Variants in PREPL observed in about 807,000 individuals in gnomAD.
PREPL encodes prolyl endopeptidase like.
PREPL carries 77 observed loss-of-function variants against 70.6 expected under a neutral mutation model. The ratio of observed to expected loss-of-function variants is 1.09; its 90% confidence interval spans 0.91 to 1.32. The LOEUF (loss-of-function observed/expected upper bound fraction) is 1.32. Ranked by LOEUF, PREPL falls within the 40% of genes most tolerant of loss-of-function variation. The probability of loss-of-function intolerance (pLI) is 0.00; values close to 1 mark genes in which losing one functional copy is unlikely to be tolerated. For missense variants in PREPL, 1,002 were observed against 778.2 expected, an observed-to-expected ratio of 1.29 and a Z score of -3.42; for synonymous variants, 315 against 264.8, an observed-to-expected ratio of 1.19 and a Z score of -1.84.
chr2:44,328,898 G>A, intron 9 of PREPL, 39 bp downstream of exon 9: 2 of 1,565,952 alleles, frequency 1.3e-6, no homozygotes, highest in Non-Finnish European at 1.7e-6. Flanking sequence ...TCTCACAATG[G>A]TCTAGCACTT....
Position 44,329,078 on chromosome 2 carries a change from T to A in PREPL, c.1121A>T (p.Lys374Ile). The change falls in exon 9 of 14, where the codon AAA becomes ATA. Residue 374 changes from lysine to isoleucine, a missense_variant. Physicochemically the swap from Lys to Ile is moderately radical, Grantham distance 102 (BLOSUM62 -3). Transcript: ENST00000409411. ...CTTCTGCAAGTCCTCAGAGTCAGTT[T>A]TGTGGAAAACAGTCATTGGCACTAA... ...GKLVPMTVFH[K>I]TDSEDLQKKP... 1.9e-6 allele frequency: 3 copies of A among 1,609,758 alleles called. No homozygotes were observed. Among genetic ancestry groups the A allele is most frequent in the Non-Finnish European group, 2.6e-6 (3 of 1,176,280 alleles).
chr2:44,327,174 C>G (rs1431824194), intron 9 of PREPL, among the ~76,000 whole-genome samples: 1 of 152,124 alleles, frequency 6.6e-6, no homozygotes, highest in Non-Finnish European at 1.5e-5. Flanking sequence ...ATAGACAATC[C>G]AGAATTGATT....
chr2:44,338,629 T>TC, intron 6 of PREPL, 93 bp from the exon 7 acceptor site: 1 of 1,019,652 alleles, frequency 9.8e-7, no homozygotes, highest in Non-Finnish European at 1.4e-6. Flanking sequence ...ACCATACTAG[T>TC]CCTCACTGTT....
rs1672799575 is a variant in PREPL, at chr2:44,320,138, A to G, written c.*1218T>C. ...TAAATAACTCCTTACAATATATTAAAAATACTTACAAACAATTCTTAGAAT... is the reference window on the plus strand; with the variant it reads ...TAAATAACTCCTTACAATATATTAAGAATACTTACAAACAATTCTTAGAAT... On this transcript the variant is annotated 3_prime_UTR_variant, in exon 14 of 14. Transcript: ENST00000409411. 1 of 1,435,162 alleles carries G rather than the reference A, an allele frequency of 7.0e-7. No individual in the cohort carries two copies. The highest frequency in any genetic ancestry group is 9.6e-7 in the Non-Finnish European group (1 of 1,042,366). The allele number at this position is 1,435,162 out of a possible 1,614,324, so 88.9% of individuals were successfully genotyped here. A position where few individuals can be genotyped will look rare whatever the true frequency, so the allele number is the denominator to read the frequency against.
chr2:44,359,355 A>G, intron 1 of PREPL: 1 of 701,426 alleles, frequency 1.4e-6, no homozygotes, highest in Non-Finnish European at 2.3e-6. Context: ...TTTTGACTAG[A>G]GACAATTGAG....
Position 44,344,833 on chromosome 2 carries a change from T to C in PREPL, c.76-247A>G, listed in dbSNP as rs568377005. Among the ~76,000 whole-genome samples the C allele has an allele frequency of 2.6e-5, 4 of 152,186 alleles. No individual in the cohort carries two copies. In the East Asian group the frequency reaches 7.7e-4, roughly 29 times the overall value. The stretch of plus-strand genomic sequence containing the variant: ...AATACAAGAGGCAATAAAGAAAAGG[T>C]ATAACAAAATCTGTCAGTTCTCACA... On this transcript the variant is annotated intron_variant, in intron 2 of 13. Coordinates refer to ENST00000409411, the MANE Select transcript of PREPL (RefSeq NM_001171613.2).
In PREPL at chr2:44,344,551, A is replaced by G; in HGVS notation, c.111T>C (p.Gly37=). ...CATCTTTGGAACGAACCAAGCAACA[A>G]CCTTCTTGGTAATAAACAAAACCAC... ...KHGGFVYYQE[G]CCLVRSKDEE... The change falls in exon 3 of 14, where the codon GGT becomes GGC. Residue 37 remains glycine (G), a synonymous_variant. Coordinates refer to ENST00000409411, the MANE Select transcript of PREPL (RefSeq NM_001171613.2). 3.1e-6 allele frequency: 5 copies of G among 1,604,386 alleles called. No homozygotes were observed. The highest frequency in any genetic ancestry group is 4.3e-6 in the Non-Finnish European group (5 of 1,175,804).
chr2:44,331,189 C>T (rs1336873266), intron 8 of PREPL, among the ~76,000 whole-genome samples: 2 of 152,138 alleles, frequency 1.3e-5, no homozygotes, highest in African/African-American at 4.8e-5. Context: ...GTGATCCTCC[C>T]AGCTTGGCCT....
chr2:44,332,670 ACAG>A lies in PREPL; in HGVS notation c.889-17_889-15del, dbSNP rs773800894. On this transcript the variant is annotated splice_polypyrimidine_tract_variant and intron_variant, in intron 7 of 13. Transcript: ENST00000409411. ...CCAAGGAGGGAGCTAAAGAAATACA[ACAG>A]CTATTTTTATTCTTTATTTAGGCCA... The A allele has an allele frequency of 2.5e-5, 40 of 1,580,528 alleles. No homozygotes were observed. In the East Asian group the frequency reaches 8.1e-4, roughly 32 times the overall value.
chr2:44,320,503 A>G lies in PREPL; in HGVS notation c.*853T>C. 6.2e-7 allele frequency: 1 copy of G among 1,614,164 alleles called. No individual in the cohort carries two copies. The highest frequency in any genetic ancestry group is 8.5e-7 in the Non-Finnish European group (1 of 1,179,988). On this transcript the variant is annotated 3_prime_UTR_variant, in exon 14 of 14. Coordinates refer to ENST00000409411, the MANE Select transcript of PREPL (RefSeq NM_001171613.2). ...GTTGATACAAGTGGCATTTTTCTGG[A>G]CAAGGGAGAGGGACTCATCTTTGAA...
At chr2:44,328,319 C>T (rs1312555568) in intron 9 of PREPL, among the ~76,000 whole-genome samples, 2 of 146,176 alleles carry the variant, frequency 1.4e-5, no homozygotes, top group Non-Finnish European at 3.0e-5. Flanking sequence ...CGCCTGTAGT[C>T]CCAGCTACTC....
At chr2:44,349,238 G>A (rs931057499) in intron 1 of PREPL, among the ~76,000 whole-genome samples, 2 of 152,176 alleles carry the variant, frequency 1.3e-5, no homozygotes, top group African/African-American at 2.4e-5. Flanking sequence ...CTTCAGTCAA[G>A]ACTAATTAGC....
chr2:44,318,147 G>C lies in PREPL; in HGVS notation c.*3209C>G, dbSNP rs1287598612. 4.5e-6 allele frequency: 2 copies of C among 440,876 alleles called. No individual in the cohort carries two copies. Among genetic ancestry groups the C allele is most frequent in the Non-Finnish European group, 9.1e-6 (2 of 220,394 alleles). 27.3% of individuals were successfully genotyped at this position (440,876 alleles called of 1,614,324 possible). ...GCTCCGTCACCCATGCTCGAGTGCA[G>C]TGGCGTGATCTCGGCACACTGCAGC... On this transcript the variant is annotated 3_prime_UTR_variant, in exon 14 of 14. Transcript: ENST00000409411.
At chr2:44,330,563 G>A (rs1673987670) in intron 8 of PREPL, among the ~76,000 whole-genome samples, 1 of 152,034 alleles carries the variant, frequency 6.6e-6, no homozygotes, top group Non-Finnish European at 1.5e-5. Context: ...GATTTGTTCT[G>A]TATTTTTGCA....
At chr2:44,323,193 T>G (rs780038387) in intron 11 of PREPL, 69 bp downstream of exon 11, 1 of 1,430,736 alleles carries the variant, frequency 7.0e-7, no homozygotes, top group South Asian at 1.4e-5. Flanking sequence ...TGCTTCAGCT[T>G]GGATAAGTTT....
intron 4 of PREPL, 78 bp downstream of exon 4, chr2:44,343,667 T>G: frequency 2.2e-6 from 3 of 1,357,548 alleles, no homozygotes; most frequent in Non-Finnish European, 3.1e-6. Flanking sequence ...TCTCCCTCCC[T>G]CACATGCGAC....
chr2:44,344,134 T>A (rs561250527), intron 3 of PREPL, among the ~76,000 whole-genome samples, 183 bp from the exon 4 acceptor site: 1 of 152,336 alleles, frequency 6.6e-6, no homozygotes, highest in South Asian at 2.1e-4. Context: ...TATTACCTTA[T>A]ACTATTCAAT....
At position 44,342,497 on chromosome 2, in the gene PREPL, G is replaced by C; in HGVS notation, c.405C>G (p.Asn135Lys). ...CTCGATATACGTCATGACAGCGAAG[G>C]TTCCTCTGGAAGGTGTAGAATAAAA... is the stretch of plus-strand genomic sequence containing the variant. Reference protein sequence around the residue: ...EDVLFYTFQRNLRCHDVYRAT... With the variant: ...EDVLFYTFQRKLRCHDVYRAT... Residue 135 changes from asparagine (N) to lysine (K), a missense_variant, in exon 5 of 14, where the codon AAC becomes AAG. Physicochemically the swap from Asn to Lys is moderately conservative, Grantham distance 94. Transcript: ENST00000409411. The C allele has an allele frequency of 1.2e-6, 2 of 1,612,272 alleles. No individual in the cohort carries two copies. Among genetic ancestry groups the C allele is most frequent in the East Asian group, 2.2e-5 (1 of 44,784 alleles).
At chr2:44,338,272 T>A (rs915311142) in intron 7 of PREPL, 79 bp downstream of exon 7, 5 of 1,306,554 alleles carry the variant, frequency 3.8e-6, no homozygotes, top group Non-Finnish European at 5.3e-6. Flanking sequence ...GCTGCCACTA[T>A]TCAAAATGTG....
Sources: allele counts gnomAD v4.1 joint callset (sites outside exome capture counted in the v4.1 genomes callset), GRCh38; gene constraint gnomAD v4.1.1; transcripts MANE v1.5; gene names NCBI Gene and HGNC (gene_info 2026-07-23, HGNC 2026-07-21).